Variants in SLC6A6 observed in about 807,000 individuals in gnomAD.
The protein encoded by SLC6A6 is solute carrier family 6 member 6.
A neutral mutation model predicts 68.8 loss-of-function variants in SLC6A6; 16 were observed. The ratio of observed to expected loss-of-function variants is 0.23; its 90% confidence interval spans 0.16 to 0.35. The LOEUF (loss-of-function observed/expected upper bound fraction) is 0.35. Among genes scored for constraint, SLC6A6 ranks in the 10% least tolerant of loss-of-function variants. SLC6A6 has a pLI of 1.00. For synonymous variants in SLC6A6, 312 were observed against 315.4 expected, an observed-to-expected ratio of 0.99 and a Z score of 0.12; for missense variants, 474 against 802.8, an observed-to-expected ratio of 0.59 and a Z score of 4.95.
intron 6 of SLC6A6, among the ~76,000 whole-genome samples, chr3:14,465,994 G>A (rs984346171): frequency 5.3e-5 from 8 of 152,292 alleles, no homozygotes; most frequent in Non-Finnish European, 7.3e-5. Flanking sequence ...TGGCGCTGTG[G>A]CTCATGCCTA....
rs1417658080 is a variant in SLC6A6 at position 14,488,944 on chromosome 3, C to A, written c.*3937C>A. On this transcript the variant is annotated 3_prime_UTR_variant, in exon 15 of 15. Coordinates refer to ENST00000622186, the MANE Select transcript of SLC6A6 (RefSeq NM_003043.6). ...TTTTTACCCAATTAATCTCCCAATCCCTAGCAACTGTGACTCTGTATTTAG... is the reference window on the plus strand; with the variant it reads ...TTTTTACCCAATTAATCTCCCAATCACTAGCAACTGTGACTCTGTATTTAG... 1 of 152,272 alleles carries A rather than the reference C, an allele frequency of 6.6e-6. No homozygotes were observed. Among genetic ancestry groups the A allele is most frequent in the Non-Finnish European group, 1.5e-5 (1 of 67,996 alleles). The allele number at this position is 152,272 out of a possible 1,614,324, so 9.4% of individuals were successfully genotyped here.
intron 1 of SLC6A6, among the ~76,000 whole-genome samples, chr3:14,412,759 G>A (rs1323855970): frequency 6.6e-6 from 1 of 152,210 alleles, no homozygotes; most frequent in Non-Finnish European, 1.5e-5. Flanking sequence ...GATAAATAGT[G>A]CAGTTGTGAG....
chr3:14,459,727 C>G (rs1357641342), intron 6 of SLC6A6, among the ~76,000 whole-genome samples: 2 of 152,120 alleles, frequency 1.3e-5, no homozygotes, highest in African/African-American at 4.8e-5. Context: ...AAAACTCAGG[C>G]TTAGGGAGGT....
rs1341009371 is a variant in SLC6A6 at position 14,477,001 on chromosome 3, C to T, written c.1210-204C>T. Among the ~76,000 whole-genome samples, 1 of 152,210 alleles carries T rather than the reference C, an allele frequency of 6.6e-6. No homozygotes were observed. The highest frequency in any genetic ancestry group is 2.4e-5 in the African/African-American group (1 of 41,460). The stretch of plus-strand genomic sequence containing the variant: ...CACCGAATGTTGCGTTGTCTGGCTC[C>T]GAGGAGTGGCAGGCGGGACTCCCCA... On this transcript the variant is annotated intron_variant, in intron 10 of 14. Coordinates refer to ENST00000622186, the MANE Select transcript of SLC6A6 (RefSeq NM_003043.6). This position sits in a 1 kb window ranked among gnomAD's most constrained non-coding sequence, Gnocchi z 4.2.
intron 1 of SLC6A6, chr3:14,411,129 ACT>A (rs1699244198): frequency 6.6e-6 from 1 of 152,204 alleles, no homozygotes; most frequent in East Asian, 1.9e-4. Context: ...TCTGCATGTC[ACT>A]CTCTTGCTCA....
At chr3:14,479,620 G>A (rs1700962652) in intron 13 of SLC6A6, among the ~76,000 whole-genome samples, 1 of 152,152 alleles carries the variant, frequency 6.6e-6, no homozygotes, top group South Asian at 2.1e-4. Context: ...ATTGGAAATG[G>A]GGTGTTTCCA....
chr3:14,410,590 C>T (rs887303936), intron 1 of SLC6A6, among the ~76,000 whole-genome samples: 12 of 152,148 alleles, frequency 7.9e-5, no homozygotes, highest in Admixed American at 7.9e-4. Flanking sequence ...TGGAAGGCTT[C>T]CTCCCTCAGC....
At chr3:14,418,892 T>C (rs1487020760) in intron 2 of SLC6A6, among the ~76,000 whole-genome samples, 1 of 152,200 alleles carries the variant, frequency 6.6e-6, no homozygotes, top group African/African-American at 2.4e-5. Context: ...TTGAGCTGAC[T>C]CTAGCCCACT....
At chr3:14,431,450 CAG>C (rs1699722162) in intron 2 of SLC6A6, among the ~76,000 whole-genome samples, 1 of 152,204 alleles carries the variant, frequency 6.6e-6, no homozygotes, top group African/African-American at 2.4e-5. Context: ...AACGCAGGGA[CAG>C]AGCTGTCCTG....
chr3:14,437,170 G>C (rs1699876408), intron 2 of SLC6A6, among the ~76,000 whole-genome samples: 1 of 152,226 alleles, frequency 6.6e-6, no homozygotes, highest in Non-Finnish European at 1.5e-5. Flanking sequence ...TGTGCTTGTA[G>C]TCAGTGCTCT....
rs1281945425 is a variant in SLC6A6, at chr3:14,481,624, C to G, written c.1552-47C>G. On this transcript the variant is annotated intron_variant, in intron 13 of 14. Transcript: ENST00000622186. This position sits in a 1 kb window ranked among gnomAD's most constrained non-coding sequence, Gnocchi z 4.7. ...GTCCTAGTCCCAGAAGCCCCCCACC[C>G]CCCGATGCCCAGGACCCCTCTCCTG... The G allele has an allele frequency of 1.5e-6, 2 of 1,345,544 alleles. No homozygotes were observed. Among genetic ancestry groups the G allele is most frequent in the Non-Finnish European group, 2.1e-6 (2 of 954,804 alleles). 83.4% of individuals were successfully genotyped at this position (1,345,544 alleles called of 1,614,324 possible). A position where few individuals can be genotyped will look rare whatever the true frequency, so the allele number is the denominator to read the frequency against.
At chr3:14,475,955 T>C (rs1246679040) in intron 10 of SLC6A6, among the ~76,000 whole-genome samples, 1 of 152,200 alleles carries the variant, frequency 6.6e-6, no homozygotes. Flanking sequence ...TTTGTGTTCC[T>C]TCCCTGGATT....
chr3:14,441,225 T>A (rs566709080), intron 2 of SLC6A6, among the ~76,000 whole-genome samples: 1 of 152,044 alleles, frequency 6.6e-6, no homozygotes. Flanking sequence ...CATGAGCTTC[T>A]GGGTGAGGAG....
At chr3:14,480,056 A>G (rs937286092) in intron 13 of SLC6A6, among the ~76,000 whole-genome samples, 2 of 152,310 alleles carry the variant, frequency 1.3e-5, no homozygotes, top group East Asian at 3.9e-4. Flanking sequence ...CTGTTAACTC[A>G]TGATATGACC....
Position 14,481,225 on chromosome 3 carries a change from C to T in SLC6A6, c.1552-446C>T, listed in dbSNP as rs1700999583. On this transcript the variant is annotated intron_variant, in intron 13 of 14. Coordinates refer to ENST00000622186, the MANE Select transcript of SLC6A6 (RefSeq NM_003043.6). This position sits in a 1 kb window ranked among gnomAD's most constrained non-coding sequence, Gnocchi z 4.7. The stretch of plus-strand genomic sequence containing the variant: ...TGGTGCCTGGGCAAGTAAGGCAGAC[C>T]CAGTGGAGCCAAGTTAGGATGAGAA... Among the ~76,000 whole-genome samples the T allele has an allele frequency of 6.7e-6, 1 of 149,998 alleles. No homozygotes were observed. Among genetic ancestry groups the T allele is most frequent in the Non-Finnish European group, 1.5e-5 (1 of 67,560 alleles).
intron 5 of SLC6A6, among the ~76,000 whole-genome samples, chr3:14,449,116 C>T (rs569567467): frequency 4.8e-4 from 73 of 152,346 alleles, no homozygotes; most frequent in African/African-American, 1.6e-3. Context: ...AGCGGCCTAC[C>T]GACTGGCCCC....
chr3:14,413,375 C>T (rs753435567), intron 1 of SLC6A6, among the ~76,000 whole-genome samples: 20 of 152,242 alleles, frequency 1.3e-4, no homozygotes, highest in Non-Finnish European at 2.2e-4. Context: ...AGGCATTCTC[C>T]GTAATCGCCG....
In SLC6A6 at chr3:14,485,086, C is replaced by A; in HGVS notation, c.*79C>A. 1 of 1,267,866 alleles carries A rather than the reference C, an allele frequency of 7.9e-7. No individual in the cohort carries two copies. Among genetic ancestry groups the A allele is most frequent in the African/African-American group, 1.5e-5 (1 of 65,452 alleles). 78.5% of individuals were successfully genotyped at this position (1,267,866 alleles called of 1,614,324 possible). A position where few individuals can be genotyped will look rare whatever the true frequency, so the allele number is the denominator to read the frequency against. ...TTCTCATAGGACCAGGTTTACAGAG[C>A]TTTATATTTGCACTAGGATTTTTTT... On this transcript the variant is annotated 3_prime_UTR_variant, in exon 15 of 15. Transcript: ENST00000622186.
chr3:14,410,843 T>C (rs1447613145), intron 1 of SLC6A6, among the ~76,000 whole-genome samples: 1 of 152,080 alleles, frequency 6.6e-6, no homozygotes, highest in East Asian at 1.9e-4. Context: ...TGGTTGGAGG[T>C]GGAGGAGTGT....
Sources: gnomAD v4.1 joint callset for allele counts (sites outside exome capture counted in the v4.1 genomes callset) on GRCh38, gnomAD v4.1.1 for gene constraint, Gnocchi (gnomAD v3.1) non-coding constraint, MANE v1.5 for transcripts, NCBI Gene and HGNC (gene_info 2026-07-23, HGNC 2026-07-21) for gene names.